FAF1: variants seen among roughly 807,000 people sequenced by gnomAD.
FAF1 encodes the protein Fas associated factor 1.
FAF1 carries 25 observed loss-of-function variants against 92.5 expected under a neutral mutation model. The ratio of observed to expected loss-of-function variants is 0.27; its 90% CI spans 0.20 to 0.38. The LOEUF (loss-of-function observed/expected upper bound fraction) is 0.38. Ranked by LOEUF, FAF1 falls within the 10% of genes least tolerant of loss-of-function variation. The probability of loss-of-function intolerance (pLI) is 1.00; values close to 1 mark genes in which losing one functional copy is unlikely to be tolerated. For missense variants in FAF1, 636 were observed against 793.3 expected, an observed-to-expected ratio of 0.80 and a Z score of 2.38; for synonymous variants, 234 against 273.2, an observed-to-expected ratio of 0.86 and a Z score of 1.42.
chr1:50,621,391 CTTTTTTTTTTTT>C (rs36053834), intron 8 of FAF1, among the ~76,000 whole-genome samples: 7 of 89,218 alleles, frequency 7.8e-5, no homozygotes, highest in East Asian at 3.3e-4. Context: ...TTCTTTTTTT[CTTTTTTTTTTTT>C]TTTTTTTTTT....
intron 15 of FAF1, among the ~76,000 whole-genome samples, chr1:50,496,670 T>A (rs900944004): frequency 1.3e-5 from 2 of 151,988 alleles, no homozygotes; most frequent in Non-Finnish European, 1.5e-5. Flanking sequence ...GGCAGGTGGA[T>A]CACCTGAAGT....
At chr1:50,539,998 GTCTC>G (rs1194162490) in intron 13 of FAF1, among the ~76,000 whole-genome samples, 2 of 151,930 alleles carry the variant, frequency 1.3e-5, no homozygotes, top group East Asian at 3.9e-4. Context: ...TTGAGACAGA[GTCTC>G]TCTCTGTCAC....
intron 8 of FAF1, among the ~76,000 whole-genome samples, chr1:50,627,535 T>C (rs1653561462): frequency 6.6e-6 from 1 of 151,676 alleles, no homozygotes; most frequent in Non-Finnish European, 1.5e-5. Flanking sequence ...TAGAAAAATA[T>C]GGATCCATCT....
intron 4 of FAF1, among the ~76,000 whole-genome samples, chr1:50,778,800 A>G (rs1392493497): frequency 1.3e-5 from 2 of 151,950 alleles, no homozygotes; most frequent in African/African-American, 4.8e-5. Context: ...AGCCTGAGTG[A>G]CAGAGCAAGA....
intron 3 of FAF1, among the ~76,000 whole-genome samples, chr1:50,799,002 G>C (rs1178519986): frequency 6.6e-6 from 1 of 152,158 alleles, no homozygotes; most frequent in African/African-American, 2.4e-5. Context: ...AGTAGAGACA[G>C]GGTTTTACCA....
chr1:50,710,095 T>A (rs1310373966), intron 6 of FAF1, among the ~76,000 whole-genome samples: 1 of 152,238 alleles, frequency 6.6e-6, no homozygotes, highest in Non-Finnish European at 1.5e-5. Flanking sequence ...AATGCTAGGC[T>A]GAGGAGCTCG....
intron 7 of FAF1, among the ~76,000 whole-genome samples, chr1:50,674,653 G>A (rs1396468021): frequency 6.6e-6 from 1 of 152,052 alleles, no homozygotes; most frequent in Non-Finnish European, 1.5e-5. Context: ...GTGTTTTACT[G>A]CATTATGACA....
At chr1:50,772,729 C>A (rs1401638051) in intron 4 of FAF1, among the ~76,000 whole-genome samples, 3 of 151,900 alleles carry the variant, frequency 2.0e-5, no homozygotes, top group Non-Finnish European at 4.4e-5. Context: ...GGGTGAAGAT[C>A]AAAAAAACTA....
intron 7 of FAF1, among the ~76,000 whole-genome samples, chr1:50,672,574 C>T (rs1655947306): frequency 1.3e-5 from 2 of 152,140 alleles, no homozygotes; most frequent in Non-Finnish European, 2.9e-5. Context: ...TGAGCCACGG[C>T]GCCTGGCCAG....
chr1:50,746,401 T>A (rs1031991661), intron 4 of FAF1, among the ~76,000 whole-genome samples: 1 of 139,438 alleles, frequency 7.2e-6, no homozygotes, highest in Admixed American at 7.4e-5. Flanking sequence ...CCTCCTGGGG[T>A]CAAGCAATTC....
At chr1:50,685,356 T>G (rs964084463) in intron 7 of FAF1, among the ~76,000 whole-genome samples, 2 of 152,230 alleles carry the variant, frequency 1.3e-5, no homozygotes, top group African/African-American at 4.8e-5. Flanking sequence ...CCTACTGTTA[T>G]GCTAACTTTA....
At chr1:50,818,110 T>G (rs1007222518) in intron 2 of FAF1, among the ~76,000 whole-genome samples, 4 of 152,294 alleles carry the variant, frequency 2.6e-5, no homozygotes, top group Admixed American at 6.5e-5. Flanking sequence ...CTGTCAAAAC[T>G]TATCAAATTT....
chr1:50,859,325 C>G (rs1329846936), intron 1 of FAF1, among the ~76,000 whole-genome samples: 1 of 151,774 alleles, frequency 6.6e-6, no homozygotes, highest in Non-Finnish European at 1.5e-5. Flanking sequence ...GTCAAACTAT[C>G]TCACTTCATA....
intron 3 of FAF1, among the ~76,000 whole-genome samples, chr1:50,789,899 C>T (rs953385517): frequency 3.3e-5 from 5 of 152,172 alleles, no homozygotes; most frequent in Non-Finnish European, 5.9e-5. Flanking sequence ...CTTAATCATT[C>T]CCGTTTCACA....
At chr1:50,882,264 G>C (rs551556575) in intron 1 of FAF1, among the ~76,000 whole-genome samples, 2 of 152,256 alleles carry the variant, frequency 1.3e-5, no homozygotes, top group Admixed American at 6.5e-5. Flanking sequence ...TACATTGTAA[G>C]AAGATCTAAA....
At chr1:50,886,220 T>C (rs1010321229) in intron 1 of FAF1, among the ~76,000 whole-genome samples, 5 of 152,220 alleles carry the variant, frequency 3.3e-5, no homozygotes, top group Non-Finnish European at 7.3e-5. Context: ...TATCATCCTT[T>C]TCTTTCAGAT....
At chr1:50,465,026 A>G (rs1646477720) in intron 18 of FAF1, among the ~76,000 whole-genome samples, 1 of 152,200 alleles carries the variant, frequency 6.6e-6, no homozygotes, top group African/African-American at 2.4e-5. Flanking sequence ...TAAAGACTAC[A>G]ACACCCTTAA....
intron 8 of FAF1, among the ~76,000 whole-genome samples, chr1:50,596,564 C>T (rs990829573): frequency 6.6e-5 from 10 of 151,924 alleles, no homozygotes; most frequent in Non-Finnish European, 1.2e-4. Context: ...TTCCTAACTC[C>T]GAAGGCAGTA....
chr1:50,470,607 T>G (rs1646559407), intron 18 of FAF1: 1 of 152,048 alleles, frequency 6.6e-6, no homozygotes, highest in African/African-American at 2.4e-5. Context: ...TCCTACCTCT[T>G]CTGCTTCTCT....
Sources: allele counts gnomAD v4.1 joint callset (sites outside exome capture counted in the v4.1 genomes callset), GRCh38; gene constraint gnomAD v4.1.1; transcripts MANE v1.5; gene names NCBI Gene and HGNC (gene_info 2026-07-23, HGNC 2026-07-21).